The following ROBO2 variants were observed in gnomAD, a reference collection of about 807,000 sequenced individuals.
ROBO2 encodes roundabout guidance receptor 2, also known as roundabout homolog 2.
ROBO2 carries 53 observed loss-of-function variants against 160.8 expected under a neutral mutation model. The ratio of observed to expected loss-of-function variants is 0.33; its 90% CI spans 0.26 to 0.41. The LOEUF is 0.41. Ranked by LOEUF, ROBO2 falls within the 10% of genes least tolerant of loss-of-function variation. The pLI, the probability that ROBO2 is intolerant of heterozygous loss-of-function variation, is 1.00. For missense variants in ROBO2, 1,577 were observed against 1,722.4 expected, an observed-to-expected ratio of 0.92 and a Z score of 1.49; for synonymous variants, 664 against 611.7, an observed-to-expected ratio of 1.09 and a Z score of -1.26.
chr3:76,813,350 G>A (rs2065366338), intron 2 of ROBO2, among the ~76,000 whole-genome samples: 1 of 151,988 alleles, frequency 6.6e-6, no homozygotes, highest in Non-Finnish European at 1.5e-5. Context: ...TTTTTATGAA[G>A]TTTTGGATTG....
At chr3:76,249,194 G>A (rs749467966) in intron 2 of ROBO2, among the ~76,000 whole-genome samples, 1 of 152,032 alleles carries the variant, frequency 6.6e-6, no homozygotes, top group Non-Finnish European at 1.5e-5. Context: ...AAAGCTAAAT[G>A]AGTTAAAACT....
At chr3:77,417,396 G>A (rs1234146868) in intron 2 of ROBO2, among the ~76,000 whole-genome samples, 1 of 152,152 alleles carries the variant, frequency 6.6e-6, no homozygotes, top group South Asian at 2.1e-4. Flanking sequence ...AAGTAATACA[G>A]CATAAAGAAA....
intron 2 of ROBO2, among the ~76,000 whole-genome samples, chr3:77,313,671 G>A (rs1180182412): frequency 1.3e-5 from 2 of 151,942 alleles, no homozygotes; most frequent in Non-Finnish European, 2.9e-5. Flanking sequence ...TGCAACCTCC[G>A]CCTCTTCGTT....
At chr3:75,915,611 G>A (rs765792352) in intron 1 of ROBO2, among the ~76,000 whole-genome samples, 6 of 152,240 alleles carry the variant, frequency 3.9e-5, no homozygotes, top group Non-Finnish European at 8.8e-5. Flanking sequence ...TTCAGTGGTG[G>A]CTCTAGAATT....
chr3:76,582,010 C>T (rs904653916), intron 2 of ROBO2, among the ~76,000 whole-genome samples: 2 of 151,974 alleles, frequency 1.3e-5, no homozygotes, highest in African/African-American at 4.8e-5. Flanking sequence ...GAAGAAGACA[C>T]AAAACTTGGT....
chr3:77,291,944 G>T (rs1386522720), intron 2 of ROBO2, among the ~76,000 whole-genome samples: 2 of 151,474 alleles, frequency 1.3e-5, no homozygotes, highest in Admixed American at 6.6e-5. Flanking sequence ...ACGGCTAAAA[G>T]TGTAAGCTGA....
chr3:77,221,440 TG>T (rs1249774082), intron 2 of ROBO2, among the ~76,000 whole-genome samples: 3 of 152,210 alleles, frequency 2.0e-5, no homozygotes, highest in African/African-American at 7.2e-5. Flanking sequence ...TGATCGAATG[TG>T]AAAGAAGGAA....
chr3:76,948,342 T>C (rs1156933851), intron 2 of ROBO2, among the ~76,000 whole-genome samples: 1 of 152,134 alleles, frequency 6.6e-6, no homozygotes, highest in Non-Finnish European at 1.5e-5. Context: ...TGTTATCAAT[T>C]AATGTTTTCT....
In ROBO2 at chr3:76,832,585, A is replaced by G. The variant is rs527991396; in HGVS notation, c.110-265429A>G. On this transcript the variant is annotated intron_variant, in intron 2 of 26. Transcript: ENST00000487694. ...GAGTTAATGGAGGTAGGCTTCTAGA[A>G]TTAGGTGGGCACTGAGATGACCGCT... Among the ~76,000 whole-genome samples, 10 of 152,290 alleles carry G rather than the reference A, an allele frequency of 6.6e-5. No homozygotes were observed. In the South Asian group the frequency reaches 2.1e-3, roughly 32 times the overall value.
At chr3:77,330,112 G>T (rs948505232) in intron 2 of ROBO2, among the ~76,000 whole-genome samples, 1 of 151,964 alleles carries the variant, frequency 6.6e-6, no homozygotes, top group African/African-American at 2.4e-5. Context: ...ATATATTAAG[G>T]GATATGATTT....
At chr3:76,333,518 G>T (rs2073648185) in intron 2 of ROBO2, among the ~76,000 whole-genome samples, 2 of 152,064 alleles carry the variant, frequency 1.3e-5, no homozygotes, top group Non-Finnish European at 2.9e-5. Flanking sequence ...CTACTTGATG[G>T]AAATTTCTTA....
intron 2 of ROBO2, among the ~76,000 whole-genome samples, chr3:77,471,419 A>G (rs1000199255): frequency 1.3e-5 from 2 of 152,186 alleles, no homozygotes; most frequent in African/African-American, 2.4e-5. Context: ...ACAAATTACT[A>G]CAAAATTCAG....
intron 5 of ROBO2, among the ~76,000 whole-genome samples, chr3:77,510,082 C>A (rs1331082117): frequency 2.0e-5 from 3 of 151,744 alleles, no homozygotes; most frequent in African/African-American, 7.3e-5. Context: ...GTGAAGTGGC[C>A]AGAGACCAAT....
chr3:77,595,296 C>G, intron 18 of ROBO2, 112 bp downstream of exon 19: 1 of 845,118 alleles, frequency 1.2e-6, no homozygotes, highest in Non-Finnish European at 1.9e-6. Flanking sequence ...TCTGAGAATT[C>G]TAGGAGGAAT....
intron 2 of ROBO2, among the ~76,000 whole-genome samples, chr3:76,456,482 G>A (rs568985548): frequency 1.3e-5 from 2 of 152,292 alleles, no homozygotes; most frequent in African/African-American, 2.4e-5. Flanking sequence ...TGAGATCAAA[G>A]TACCAGCAGG....
At chr3:77,072,648 C>T (rs879585142) in intron 1 of ROBO2, among the ~76,000 whole-genome samples, 18 of 152,076 alleles carry the variant, frequency 1.2e-4, no homozygotes, top group East Asian at 1.9e-4. Context: ...ATCATAATTT[C>T]GAAACATATA....
At chr3:76,954,284 T>C (rs1049908664) in intron 2 of ROBO2, among the ~76,000 whole-genome samples, 2 of 147,974 alleles carry the variant, frequency 1.4e-5, no homozygotes, top group African/African-American at 4.9e-5. Flanking sequence ...CTAGTTTGTT[T>C]TGAAAACTTC....
At chr3:75,958,730 A>G (rs1368928215) in intron 2 of ROBO2, among the ~76,000 whole-genome samples, 1 of 151,750 alleles carries the variant, frequency 6.6e-6, no homozygotes, top group East Asian at 1.9e-4. Flanking sequence ...GCAATGATAT[A>G]TGTTCATCTT....
chr3:77,331,937 C>A (rs1420608956), intron 2 of ROBO2, among the ~76,000 whole-genome samples: 1 of 152,142 alleles, frequency 6.6e-6, no homozygotes, highest in East Asian at 1.9e-4. Flanking sequence ...AACTCCTGAC[C>A]TCAGGTGACC....
Sources: gnomAD v4.1 joint callset for allele counts (sites outside exome capture counted in the v4.1 genomes callset) on GRCh38, gnomAD v4.1.1 for gene constraint, MANE v1.5 for transcripts, NCBI Gene and HGNC (gene_info 2026-07-23, HGNC 2026-07-21) for gene names.